TRMT61B: variants seen among roughly 807,000 people sequenced by gnomAD.
TRMT61B encodes tRNA (adenine(58)-N(1))-methyltransferase, mitochondrial.
Under a neutral mutation model 52.0 loss-of-function variants are expected in TRMT61B, and 56 were observed. That is an observed-to-expected ratio of 1.08 (90% confidence interval 0.87 to 1.35). TRMT61B has a LOEUF of 1.35. TRMT61B is among the 40% of genes most tolerant of loss of function. TRMT61B has a pLI of 0.00. For missense variants in TRMT61B, 650 were observed against 577.9 expected, an observed-to-expected ratio of 1.12 and a Z score of -1.28; for synonymous variants, 206 against 220.0, an observed-to-expected ratio of 0.94 and a Z score of 0.56.
At chr2:28,866,189 C>G (rs1572554863) in intron 1 of TRMT61B, among the ~76,000 whole-genome samples, 1 of 151,834 alleles carries the variant, frequency 6.6e-6, no homozygotes, top group African/African-American at 2.4e-5. Context: ...TGGGGTTTCA[C>G]CATGTTGGCC....
Position 28,860,919 on chromosome 2 carries a change from C to T in TRMT61B, c.993+199G>A, listed in dbSNP as rs149130747. 1.6e-3 allele frequency among the ~76,000 whole-genome samples: 251 copies of T among 152,288 alleles called. 2 individuals carry two copies. In the East Asian group the frequency reaches 0.039, roughly 24 times the overall value. ...CCCACATTCAATGACAACTTCAGCA[C>T]CCAACTCGGTAACTCAGTATGTCTC... On this transcript the variant is annotated intron_variant, in intron 3 of 6. Transcript: ENST00000306108.
At position 28,849,995 on chromosome 2, in the gene TRMT61B, T is replaced by G. The variant is rs1669003084; in HGVS notation, c.*204A>C. ...ATTAACTACAAAATGTCAAACTAACTGCAAGACAAGTGTCAAAATGGGATG... is the reference window on the plus strand; with the variant it reads ...ATTAACTACAAAATGTCAAACTAACGGCAAGACAAGTGTCAAAATGGGATG... On this transcript the variant is annotated 3_prime_UTR_variant, in exon 7 of 7. Transcript: ENST00000306108. The G allele has an allele frequency of 7.2e-7, 1 of 1,393,364 alleles. No individual in the cohort carries two copies. The highest frequency in any genetic ancestry group is 1.0e-6 in the Non-Finnish European group (1 of 1,000,486). 86.3% of individuals were successfully genotyped at this position (1,393,364 alleles called of 1,614,324 possible).
chr2:28,860,272 CAAAAAAAAAAAA>C (rs540569211), intron 3 of TRMT61B, among the ~76,000 whole-genome samples: 189 of 24,478 alleles, frequency 7.7e-3, no homozygotes, highest in African/African-American at 0.018. Context: ...ACTCTGTTGC[CAAAAAAAAAAAA>C]AAAAAAAAAA....
chr2:28,861,088 A>G (rs369769217), intron 3 of TRMT61B, 30 bp downstream of exon 3: 175 of 1,542,424 alleles, frequency 1.1e-4, no homozygotes, highest in Non-Finnish European at 2.0e-5. Flanking sequence ...AGTCAAAGTA[A>G]TAACACAGGA....
At chr2:28,858,029 ATTTG>A (rs1228680834) in intron 3 of TRMT61B, among the ~76,000 whole-genome samples, 20 of 146,712 alleles carry the variant, frequency 1.4e-4, no homozygotes, top group Admixed American at 6.3e-4. Context: ...TGTTTCCAAA[ATTTG>A]TTTAATTCTT....
intron 3 of TRMT61B, 66 bp downstream of exon 3, chr2:28,861,052 A>G (rs1411929457): frequency 2.2e-6 from 3 of 1,374,956 alleles, no homozygotes; most frequent in Non-Finnish European, 2.9e-6. Flanking sequence ...CCCATACAAA[A>G]GAAGCCTGAC....
chr2:28,870,234 C>G lies in TRMT61B; in HGVS notation c.44G>C (p.Arg15Pro), dbSNP rs376461392. ...WCRGPVLLCLRQGLGTNSFLH... is the reference protein window; with the variant it reads ...WCRGPVLLCLPQGLGTNSFLH... ...GAATGAATTGGTTCCGAGCCCCTGC[C>G]GCAGGCACAGCAAGACAGGACCGCG... Residue 15 changes from arginine to proline, a missense_variant, in exon 1 of 7, where the codon CGG becomes CCG. Transcript: ENST00000306108. 12 of 1,609,204 alleles carry G rather than the reference C, an allele frequency of 7.5e-6. No homozygotes were observed. The African/African-American group carries it at 1.6e-4, about 21-fold the overall frequency.
At chr2:28,850,480 GAGTT>G (rs1300901715) in intron 5 of TRMT61B, 75 bp from the exon 6 acceptor site, 1 of 971,402 alleles carries the variant, frequency 1.0e-6, no homozygotes, top group Non-Finnish European at 1.5e-6. Context: ...GTTAAAATAT[GAGTT>G]ACTCTCTTTA....
chr2:28,869,442 G>A, intron 1 of TRMT61B, 137 bp downstream of exon 1: 1 of 612,100 alleles, frequency 1.6e-6, no homozygotes, highest in Non-Finnish European at 2.8e-6. Context: ...TATAACCATT[G>A]GTTTATTTTA....
chr2:28,862,615 G>C (rs1169064236), intron 2 of TRMT61B, among the ~76,000 whole-genome samples: 3 of 151,650 alleles, frequency 2.0e-5, no homozygotes, highest in Non-Finnish European at 4.4e-5. Context: ...TTACAGACGT[G>C]AGCCACCATG....
rs757221658 is a variant in TRMT61B, at chr2:28,851,067, C to G, written c.1312+5G>C. Reference sequence around the variant, plus strand: ...CTGCATGCATAAAGTAAAACTGAAGCTCACCATGGTCATCCTCTTGAAACA... The same window carrying G: ...CTGCATGCATAAAGTAAAACTGAAGGTCACCATGGTCATCCTCTTGAAACA... On this transcript the variant is annotated splice_donor_5th_base_variant and intron_variant, in intron 5 of 6. Transcript: ENST00000306108. 4 of 1,583,626 alleles carry G rather than the reference C, an allele frequency of 2.5e-6. No individual in the cohort carries two copies. The highest frequency in any genetic ancestry group is 3.4e-6 in the Non-Finnish European group (4 of 1,165,070).
chr2:28,858,703 G>A (rs566528028), intron 3 of TRMT61B, among the ~76,000 whole-genome samples: 1 of 143,246 alleles, frequency 7.0e-6, no homozygotes, highest in African/African-American at 2.6e-5. Context: ...GCTGAGGCAC[G>A]AGAATCGCTT....
chr2:28,862,204 C>CAAA (rs66527180), intron 2 of TRMT61B, among the ~76,000 whole-genome samples: 30 of 65,438 alleles, frequency 4.6e-4, no homozygotes, highest in African/African-American at 1.1e-3. Context: ...GACTCCGTCT[C>CAAA]AAAAAAAAAA....
At chr2:28,861,072 C>T in intron 3 of TRMT61B, 46 bp downstream of exon 3, 5 of 1,497,122 alleles carry the variant, frequency 3.3e-6, no homozygotes, top group Non-Finnish European at 4.5e-6. Flanking sequence ...CCCCTATCTT[C>T]TTTATAGTCA....
In TRMT61B at chr2:28,870,184, A is replaced by G; in HGVS notation, c.94T>C (p.Phe32Leu). The G allele has an allele frequency of 1.9e-6, 3 of 1,613,290 alleles. No individual in the cohort carries two copies. The highest frequency in any genetic ancestry group is 2.5e-6 in the Non-Finnish European group (3 of 1,180,036). ...SFLHGLGQEP[F>L]EGARSLCCRS... is the part of the protein sequence containing the mutation. ...CAACACAGTGACCGAGCTCCCTCGA[A>G]GGGCTCCTGCCCCAGGCCGTGCAGG... Residue 32 changes from phenylalanine to leucine, a missense_variant, in exon 1 of 7, where the codon TTC (phenylalanine) becomes CTC (leucine). Coordinates refer to ENST00000306108, the MANE Select transcript of TRMT61B (RefSeq NM_017910.4).
chr2:28,867,425 T>C (rs908652147), intron 1 of TRMT61B, among the ~76,000 whole-genome samples: 5 of 152,088 alleles, frequency 3.3e-5, no homozygotes, highest in Non-Finnish European at 7.4e-5. Flanking sequence ...TAAGATGGAA[T>C]TATGTAATTC....
At position 28,861,179 on chromosome 2, in the gene TRMT61B, T is replaced by C; in HGVS notation, c.932A>G (p.Asp311Gly). Residue 311 changes from aspartate to glycine, a missense_variant, in exon 3 of 7, where the codon GAT becomes GGT. Coordinates refer to ENST00000306108, the MANE Select transcript of TRMT61B (RefSeq NM_017910.4). ...TCCTGAAATGTCCTTATGAATAAAA[T>C]CCACATTGTCTGGCCACTCTTCTAC... ...SHVEEWPDNV[D>G]FIHKDISGAT... is the part of the protein sequence containing the mutation. The C allele has an allele frequency of 6.2e-7, 1 of 1,612,704 alleles. No individual in the cohort carries two copies. The highest frequency in any genetic ancestry group is 1.1e-5 in the South Asian group (1 of 90,568).
Position 28,869,692 on chromosome 2 carries a change from A to T in TRMT61B, c.586T>A (p.Phe196Ile). 2 of 1,614,184 alleles carry T rather than the reference A, an allele frequency of 1.2e-6. No individual in the cohort carries two copies. The highest frequency in any genetic ancestry group is 2.7e-5 in the African/African-American group (2 of 75,046). ...AVPFGKIVGK[F>I]PGQILRSSFG... ...GAACTCCTCAGTATCTGGCCGGGGA[A>T]CTTCCCCACGATCTTGCCGAACGGG... The change falls in exon 1 of 7, where the codon TTC becomes ATC. Residue 196 changes from phenylalanine (F) to isoleucine (I), a missense_variant. Coordinates refer to ENST00000306108, the MANE Select transcript of TRMT61B (RefSeq NM_017910.4).
rs750681681 is a variant in TRMT61B, at chr2:28,869,652, T to C, written c.626A>G (p.Tyr209Cys). 6.2e-7 allele frequency: 1 copy of C among 1,614,218 alleles called. No homozygotes were observed. Residue 209 changes from tyrosine to cysteine, a missense_variant, in exon 1 of 7, where the codon TAC becomes TGC. Coordinates refer to ENST00000306108, the MANE Select transcript of TRMT61B (RefSeq NM_017910.4). ...QILRSSFGKQ[Y>C]MLRRPALEDY... ...TTCCAAGGCTGGCCTCCTCAGCATGTACTGCTTACCGAAGGAACTCCTCAG... is the reference window on the plus strand; with the variant it reads ...TTCCAAGGCTGGCCTCCTCAGCATGCACTGCTTACCGAAGGAACTCCTCAG...
Sources: gnomAD v4.1 joint callset for allele counts (sites outside exome capture counted in the v4.1 genomes callset) on GRCh38, gnomAD v4.1.1 for gene constraint, MANE v1.5 for transcripts, NCBI Gene and HGNC (gene_info 2026-07-23, HGNC 2026-07-21) for gene names.